The following ARFGEF1 variants were observed in gnomAD, a reference collection of about 807,000 sequenced individuals.
ARFGEF1 encodes the protein brefeldin A-inhibited guanine nucleotide-exchange protein 1.
Under a neutral mutation model 231.0 loss-of-function variants are expected in ARFGEF1, and 42 were observed. The ratio of observed to expected loss-of-function variants is 0.18; its 90% CI spans 0.14 to 0.24. The LOEUF (loss-of-function observed/expected upper bound fraction) is 0.24. ARFGEF1 is among the 10% of genes least tolerant of loss of function. The pLI is 1.00. For synonymous variants in ARFGEF1, 710 were observed against 732.3 expected (o/e 0.97, Z 0.49); for missense variants, 1,345 against 2,192.0 (o/e 0.61, Z 7.72).
Position 67,299,364 on chromosome 8 carries a change from G to C in ARFGEF1, c.313-9C>G, listed in dbSNP as rs757548762. On this transcript the variant is annotated splice_polypyrimidine_tract_variant and intron_variant, in intron 3 of 38. Coordinates refer to ENST00000262215, the MANE Select transcript of ARFGEF1 (RefSeq NM_006421.5). ...CCATAAGCAATAAGTTTCTAAAATGGAGAAAGAAAACAAAGATCCTAAGTA... is the reference window on the plus strand; with the variant it reads ...CCATAAGCAATAAGTTTCTAAAATGCAGAAAGAAAACAAAGATCCTAAGTA... The C allele has an allele frequency of 6.3e-7, 1 of 1,598,624 alleles. No homozygotes were observed. Among genetic ancestry groups the C allele is most frequent in the South Asian group, 1.1e-5 (1 of 87,074 alleles).
chr8:67,324,766 G>A (rs977394986), intron 1 of ARFGEF1, among the ~76,000 whole-genome samples: 3 of 152,080 alleles, frequency 2.0e-5, no homozygotes. Flanking sequence ...CACTTAAGAT[G>A]TTCAATAAAT....
rs371772973 is a variant in ARFGEF1 at position 67,299,925 on chromosome 8, C to T, written c.313-570G>A. Among the ~76,000 whole-genome samples, 190 of 151,902 alleles carry T rather than the reference C, an allele frequency of 1.3e-3. 6 individuals are homozygous for T. In the South Asian group the frequency reaches 0.031, roughly 24 times the overall value. ...TGGAGGTTGCAGTAAGCCAAGCCTG[C>T]GCCACTGCACTCCAACGTAGGTGAC... On this transcript the variant is annotated intron_variant, in intron 3 of 38. Coordinates refer to ENST00000262215, the MANE Select transcript of ARFGEF1 (RefSeq NM_006421.5).
At chr8:67,196,482 A>G (rs1291633210), downstream of ARFGEF1, among the ~76,000 whole-genome samples, 3 of 152,228 alleles carry the variant, frequency 2.0e-5, no homozygotes, top group Non-Finnish European at 4.4e-5. Context: ...CTCAGATTAG[A>G]ATCTCAGAAC....
At chr8:67,265,922 TA>T in intron 14 of ARFGEF1, 83 bp downstream of exon 14, 1 of 1,227,056 alleles carries the variant, frequency 8.1e-7, no homozygotes, top group Non-Finnish European at 1.2e-6. Context: ...TTACTCATTA[TA>T]AGGTGATAAA....
intron 4 of ARFGEF1, among the ~76,000 whole-genome samples, chr8:67,297,281 A>G (rs1806278123): frequency 6.6e-6 from 1 of 152,196 alleles, no homozygotes; most frequent in Non-Finnish European, 1.5e-5. Flanking sequence ...TAGACCATCA[A>G]CTTGGGAAGA....
At chr8:67,328,699 T>C (rs1443297592) in intron 1 of ARFGEF1, among the ~76,000 whole-genome samples, 3 of 152,232 alleles carry the variant, frequency 2.0e-5, no homozygotes, top group Admixed American at 2.0e-4. Flanking sequence ...TTTGTAAGGA[T>C]ACATCAAGAG....
chr8:67,203,231 A>G lies in ARFGEF1; in HGVS notation c.4980T>C (p.Asp1660=). 1.2e-6 allele frequency: 2 copies of G among 1,614,112 alleles called. No homozygotes were observed. Among genetic ancestry groups the G allele is most frequent in the Non-Finnish European group, 1.7e-6 (2 of 1,179,990 alleles). The change falls in exon 36 of 39, where the codon GAT becomes GAC. Residue 1660 remains aspartate (D), a synonymous_variant. Coordinates refer to ENST00000262215, the MANE Select transcript of ARFGEF1 (RefSeq NM_006421.5). ...AAAQRDAVDF[D]VRVDTQDQGM... is the part of the protein sequence containing the mutation. ...CTTGGTCTTGAGTATCAACGCGAAC[A>G]TCAAAGTCCACCGCATCTCTCTTTG... is the stretch of plus-strand genomic sequence containing the variant.
intron 19 of ARFGEF1, among the ~76,000 whole-genome samples, chr8:67,247,076 C>T (rs1840129942): frequency 6.7e-6 from 1 of 150,096 alleles, no homozygotes; most frequent in Non-Finnish European, 1.5e-5. Flanking sequence ...AGACCAATAA[C>T]AAGCAATGAG....
chr8:67,238,411 C>T lies in ARFGEF1; in HGVS notation c.3221G>A (p.Arg1074Gln). 1 of 1,614,054 alleles carries T rather than the reference C, an allele frequency of 6.2e-7. No individual in the cohort carries two copies. The highest frequency in any genetic ancestry group is 8.5e-7 in the Non-Finnish European group (1 of 1,179,948). The stretch of plus-strand genomic sequence containing the variant: ...TCCAGTAAGAGATCCTTCTCTGCCT[C>T]GCACTGTTCCAGAAATGTATCGAGG... The part of the protein sequence containing the change: ...VKPRYISGTV[R>Q]GREGSLTGTK... Residue 1074 changes from arginine (R) to glutamine (Q), a missense_variant, in exon 22 of 39, where the codon CGA (arginine) becomes CAA (glutamine). Arg to Gln is a conservative substitution (Grantham distance 43). Around this residue, in one of 14 missense-constraint regions of ARFGEF1, gnomAD observed 146 missense variants for 321.4 expected, o/e 0.45. Coordinates refer to ENST00000262215, the MANE Select transcript of ARFGEF1 (RefSeq NM_006421.5).
chr8:67,298,172 G>C lies in ARFGEF1; in HGVS notation c.459+1037C>G, dbSNP rs184524163. Among the ~76,000 whole-genome samples, 54 of 151,776 alleles carry C rather than the reference G, an allele frequency of 3.6e-4. No individual in the cohort carries two copies. The East Asian group carries it at 9.1e-3, about 26-fold the overall frequency. On this transcript the variant is annotated intron_variant, in intron 4 of 38. Coordinates refer to ENST00000262215, the MANE Select transcript of ARFGEF1 (RefSeq NM_006421.5). ...GTAAACACAACTATAAAACTGAAAG[G>C]CTCCAAAAGGGTTGTATTCACACAT...
chr8:67,251,562 A>C, intron 18 of ARFGEF1, 112 bp from the exon 19 acceptor site: 1 of 1,066,196 alleles, frequency 9.4e-7, no homozygotes, highest in Non-Finnish European at 1.3e-6. Flanking sequence ...AATCCTAAGA[A>C]GCAAGACACA....
At chr8:67,175,635 A>T in intron 5 of ARFGEF1, 1 of 695,714 alleles carries the variant, frequency 1.4e-6, no homozygotes, top group South Asian at 1.5e-5. Context: ...AGGGTGGTGT[A>T]TTCATGCATG....
At position 67,240,059 on chromosome 8, in the gene ARFGEF1, A is replaced by C. The variant is rs558776182; in HGVS notation, c.2979+103T>G. On this transcript the variant is annotated intron_variant, in intron 20 of 38. Coordinates refer to ENST00000262215, the MANE Select transcript of ARFGEF1 (RefSeq NM_006421.5). ...TAAATTCCATCATAAACTTGAAATT[A>C]GTTTTTAATGTCACACATAAACAAT... The C allele has an allele frequency of 1.3e-4, 195 of 1,446,664 alleles. No individual in the cohort carries two copies. The South Asian group carries it at 2.2e-3, about 17-fold the overall frequency. The allele number at this position is 1,446,664 out of a possible 1,614,324, so 89.6% of individuals were successfully genotyped here.
At chr8:67,223,145 G>C (rs899010113) in intron 29 of ARFGEF1, among the ~76,000 whole-genome samples, 6 of 152,202 alleles carry the variant, frequency 3.9e-5, no homozygotes, top group African/African-American at 1.4e-4. Context: ...AATTTTGGAA[G>C]AATTAAGTAA....
At chr8:67,242,210 C>T (rs552397806) in intron 19 of ARFGEF1, among the ~76,000 whole-genome samples, 1 of 152,312 alleles carries the variant, frequency 6.6e-6, no homozygotes, top group South Asian at 2.1e-4. Context: ...GTGGAGGATA[C>T]ACAACCTACT....
chr8:67,289,436 C>T (rs1805903772), intron 6 of ARFGEF1, among the ~76,000 whole-genome samples: 1 of 148,520 alleles, frequency 6.7e-6, no homozygotes, highest in African/African-American at 2.5e-5. Context: ...TGCCTATAGT[C>T]TTAGTTACTT....
At chr8:67,285,876 A>G (rs1268802528) in intron 7 of ARFGEF1, among the ~76,000 whole-genome samples, 2 of 152,230 alleles carry the variant, frequency 1.3e-5, no homozygotes, top group Non-Finnish European at 2.9e-5. Flanking sequence ...AGATTCTTCA[A>G]AAAAGCAAAT....
chr8:67,339,859 A>G (rs2128939148), intron 1 of ARFGEF1, among the ~76,000 whole-genome samples: 1 of 146,818 alleles, frequency 6.8e-6, no homozygotes, highest in African/African-American at 2.5e-5. Context: ...ACATAAGAAA[A>G]TTTGAAAAAC....
intron 1 of ARFGEF1, among the ~76,000 whole-genome samples, chr8:67,324,740 A>G (rs1216088996): frequency 6.6e-6 from 1 of 152,226 alleles, no homozygotes; most frequent in Non-Finnish European, 1.5e-5. Flanking sequence ...CTAGTGCCTA[A>G]TACAATTTTA....
Sources: allele counts gnomAD v4.1 joint callset (sites outside exome capture counted in the v4.1 genomes callset), GRCh38; gene constraint gnomAD v4.1.1; regional missense constraint gnomAD v4.1.1; transcripts MANE v1.5; gene names NCBI Gene and HGNC (gene_info 2026-07-23, HGNC 2026-07-21).